LRMDA: variants seen among roughly 807,000 people sequenced by gnomAD.
LRMDA encodes the protein leucine-rich melanocyte differentiation-associated protein.
A neutral mutation model predicts 29.8 loss-of-function variants in LRMDA; 18 were observed. That is an observed-to-expected ratio of 0.60 (90% confidence interval 0.42 to 0.90). LRMDA has a LOEUF of 0.90. Among genes scored for constraint, LRMDA ranks in the 40% least tolerant of loss-of-function variants. The pLI is 0.00. For missense variants in LRMDA, 273 were observed against 273.9 expected (o/e 1.00, Z 0.02); for synonymous variants, 125 against 109.4 (o/e 1.14, Z -0.89).
intron 2 of LRMDA, among the ~76,000 whole-genome samples, chr10:75,845,235 GT>G (rs1844613129): frequency 6.7e-6 from 1 of 149,934 alleles, no homozygotes; most frequent in Non-Finnish European, 1.5e-5. Context: ...GCAATATTTT[GT>G]TTGCAGACGG....
chr10:76,059,561 A>T (rs181763391), intron 5 of LRMDA, among the ~76,000 whole-genome samples: 10 of 152,190 alleles, frequency 6.6e-5, no homozygotes, highest in East Asian at 1.9e-4. Flanking sequence ...TTGGAGAACC[A>T]TCATTGCCTT....
chr10:76,461,351 T>C (rs1842510007), intron 6 of LRMDA, among the ~76,000 whole-genome samples: 1 of 152,150 alleles, frequency 6.6e-6, no homozygotes, highest in African/African-American at 2.4e-5. Context: ...TCACTGCCAG[T>C]GAACTCTACT....
At chr10:75,618,376 C>CTA (rs1439743500) in intron 2 of LRMDA, among the ~76,000 whole-genome samples, 228 of 69,128 alleles carry the variant, frequency 3.3e-3, no homozygotes, top group African/African-American at 0.011. Context: ...CTCTCTCTCT[C>CTA]TCTCTCTATA....
chr10:75,856,186 C>G (rs1844822874), intron 2 of LRMDA, among the ~76,000 whole-genome samples: 3 of 152,244 alleles, frequency 2.0e-5, no homozygotes, highest in African/African-American at 7.2e-5. Flanking sequence ...ATTGATTCTT[C>G]CTACCCATGA....
chr10:76,004,565 GCCAC>G (rs954037333), intron 2 of LRMDA, among the ~76,000 whole-genome samples: 10 of 152,150 alleles, frequency 6.6e-5, no homozygotes, highest in African/African-American at 2.2e-4. Flanking sequence ...CCACAGACTG[GCCAC>G]CCCCAGGTCT....
intron 2 of LRMDA, among the ~76,000 whole-genome samples, chr10:75,449,804 G>A (rs1311090577): frequency 6.6e-6 from 1 of 152,202 alleles, no homozygotes; most frequent in Non-Finnish European, 1.5e-5. Flanking sequence ...AGAGATCGCA[G>A]CCGTGGGACA....
At chr10:75,959,759 TCATCCAACTGG>T (rs1846730357) in intron 2 of LRMDA, among the ~76,000 whole-genome samples, 1 of 152,184 alleles carries the variant, frequency 6.6e-6, no homozygotes, top group African/African-American at 2.4e-5. Context: ...ATGACTAATA[TCATCCAACTGG>T]CATCCAACTG....
chr10:76,025,494 C>T (rs143259474), intron 2 of LRMDA, among the ~76,000 whole-genome samples: 2 of 151,960 alleles, frequency 1.3e-5, no homozygotes, highest in East Asian at 1.9e-4. Context: ...CCAAGCCCAG[C>T]GTCTCTGTCT....
At chr10:75,624,403 A>G (rs1422699661) in intron 2 of LRMDA, among the ~76,000 whole-genome samples, 1 of 152,228 alleles carries the variant, frequency 6.6e-6, no homozygotes, top group African/African-American at 2.4e-5. Context: ...GTTTTAGAGT[A>G]AAATGCTGTG....
intron 6 of LRMDA, among the ~76,000 whole-genome samples, chr10:76,435,991 A>G (rs961866058): frequency 6.6e-6 from 1 of 152,198 alleles, no homozygotes; most frequent in Non-Finnish European, 1.5e-5. Flanking sequence ...GATATTGGTT[A>G]TTTCCCCAGT....
intron 2 of LRMDA, among the ~76,000 whole-genome samples, chr10:75,856,555 C>T (rs992144863): frequency 2.6e-5 from 4 of 152,130 alleles, no homozygotes; most frequent in Non-Finnish European, 5.9e-5. Flanking sequence ...CAGAATCCAG[C>T]ATATAAACAG....
At chr10:76,253,141 G>A (rs138603175) in intron 5 of LRMDA, among the ~76,000 whole-genome samples, 25 of 152,278 alleles carry the variant, frequency 1.6e-4, no homozygotes, top group Admixed American at 6.5e-4. Context: ...GGGAAATTGA[G>A]TTTTCAGATC....
chr10:75,931,842 A>G (rs1411247706), intron 2 of LRMDA, among the ~76,000 whole-genome samples: 1 of 152,124 alleles, frequency 6.6e-6, no homozygotes, highest in South Asian at 2.1e-4. Context: ...GTGCAATGTT[A>G]CTGATTTAGG....
chr10:76,444,781 G>A (rs1842337450), intron 6 of LRMDA, among the ~76,000 whole-genome samples: 1 of 152,102 alleles, frequency 6.6e-6, no homozygotes, highest in Non-Finnish European at 1.5e-5. Flanking sequence ...GGACAATGGG[G>A]AAAAAAAGTT....
intron 2 of LRMDA, among the ~76,000 whole-genome samples, chr10:75,969,560 T>G (rs963200854): frequency 6.6e-6 from 1 of 152,252 alleles, no homozygotes; most frequent in East Asian, 1.9e-4. Flanking sequence ...CATCAATTTA[T>G]GTTCACAAGC....
chr10:75,443,981 T>C (rs975635020), intron 2 of LRMDA, among the ~76,000 whole-genome samples: 5 of 152,218 alleles, frequency 3.3e-5, no homozygotes, highest in African/African-American at 7.2e-5. Flanking sequence ...AACATCCTTC[T>C]TTGTTGTCTT....
chr10:75,954,977 T>C (rs892721663), intron 2 of LRMDA, among the ~76,000 whole-genome samples: 1 of 152,228 alleles, frequency 6.6e-6, no homozygotes, highest in Non-Finnish European at 1.5e-5. Flanking sequence ...AAAAGAGCTA[T>C]TTTAATAAGT....
At chr10:76,363,830 G>C (rs1405949971) in intron 6 of LRMDA, among the ~76,000 whole-genome samples, 1 of 152,126 alleles carries the variant, frequency 6.6e-6, no homozygotes, top group East Asian at 1.9e-4. Context: ...TTAATGTTCT[G>C]TTATATATAA....
At chr10:76,077,992 ATTTTTTTTTTTTTTTT>A (rs756023731) in intron 5 of LRMDA, among the ~76,000 whole-genome samples, 21 of 48,080 alleles carry the variant, frequency 4.4e-4, no homozygotes, top group African/African-American at 9.9e-4. Context: ...CAATATTAAC[ATTTTTTTTTTTTTTTT>A]TTTTTTTTTT....
Sources: gnomAD v4.1 joint callset for allele counts (sites outside exome capture counted in the v4.1 genomes callset) on GRCh38, gnomAD v4.1.1 for gene constraint, MANE v1.5 for transcripts, NCBI Gene and HGNC (gene_info 2026-07-23, HGNC 2026-07-21) for gene names.